The following CDK5RAP2 variants were observed in gnomAD, a reference collection of about 807,000 sequenced individuals.
CDK5RAP2 encodes CDK5 regulatory subunit-associated protein 2.
CDK5RAP2 carries 147 observed loss-of-function variants against 232.9 expected under a neutral mutation model. The ratio of observed to expected loss-of-function variants is 0.63; its 90% CI spans 0.55 to 0.72. CDK5RAP2 has a LOEUF of 0.72. Among genes scored for constraint, CDK5RAP2 ranks in the 30% least tolerant of loss-of-function variants. The probability of loss-of-function intolerance (pLI) is 0.00; values close to 1 mark genes in which losing one functional copy is unlikely to be tolerated. For synonymous variants in CDK5RAP2, 833 were observed against 833.7 expected, an observed-to-expected ratio of 1.00 and a Z score of 0.01; for missense variants, 2,195 against 2,231.5, an observed-to-expected ratio of 0.98 and a Z score of 0.33.
intron 11 of CDK5RAP2, among the ~76,000 whole-genome samples, chr9:120,519,778 G>A (rs772858770): frequency 3.9e-5 from 6 of 152,182 alleles, no homozygotes; most frequent in Non-Finnish European, 7.3e-5. Flanking sequence ...TATTCCCACT[G>A]CCATGTCCTA....
chr9:120,463,169 A>G (rs1010081348), intron 18 of CDK5RAP2, among the ~76,000 whole-genome samples: 2 of 152,156 alleles, frequency 1.3e-5, no homozygotes, highest in Non-Finnish European at 2.9e-5. Flanking sequence ...CAGGAGATCG[A>G]GACCATCCTG....
At chr9:120,509,977 A>AT (rs1034650821) in intron 12 of CDK5RAP2, among the ~76,000 whole-genome samples, 1 of 151,068 alleles carries the variant, frequency 6.6e-6, no homozygotes, top group African/African-American at 2.4e-5. Context: ...ATATATATAC[A>AT]TTTTTTTTTA....
At chr9:120,484,324 G>T (rs1337112375) in intron 14 of CDK5RAP2, among the ~76,000 whole-genome samples, 2 of 152,222 alleles carry the variant, frequency 1.3e-5, no homozygotes, top group African/African-American at 2.4e-5. Flanking sequence ...GGGTACGACT[G>T]TAAGGCTGCA....
chr9:120,443,562 T>C, intron 23 of CDK5RAP2, 58 bp downstream of exon 23: 1 of 1,589,060 alleles, frequency 6.3e-7, no homozygotes, highest in South Asian at 1.1e-5. Flanking sequence ...AGATAAAACA[T>C]CCAAATGGTG....
intron 12 of CDK5RAP2, among the ~76,000 whole-genome samples, chr9:120,501,134 C>A (rs1474043437): frequency 6.6e-6 from 1 of 152,240 alleles, no homozygotes; most frequent in African/African-American, 2.4e-5. Context: ...CCCCCCTGAC[C>A]TCGCTGCCCT....
chr9:120,530,414 T>A (rs1488051566), intron 7 of CDK5RAP2, among the ~76,000 whole-genome samples: 1 of 152,062 alleles, frequency 6.6e-6, no homozygotes, highest in Admixed American at 6.6e-5. Flanking sequence ...CCTTCAACGG[T>A]CCCCACCAAC....
intron 25 of CDK5RAP2, among the ~76,000 whole-genome samples, chr9:120,435,993 T>G (rs974999785): frequency 2.6e-5 from 4 of 152,196 alleles, no homozygotes; most frequent in Admixed American, 6.5e-5. Flanking sequence ...AAACTCATGG[T>G]AGAAGTTTGA....
chr9:120,513,581 C>G (rs1490611750), intron 12 of CDK5RAP2, among the ~76,000 whole-genome samples: 2 of 152,206 alleles, frequency 1.3e-5, no homozygotes, highest in Non-Finnish European at 2.9e-5. Flanking sequence ...ATCTATTAAC[C>G]TCTAGCTCAA....
intron 35 of CDK5RAP2, among the ~76,000 whole-genome samples, chr9:120,399,389 C>T (rs2032796067): frequency 6.6e-6 from 1 of 151,974 alleles, no homozygotes; most frequent in Non-Finnish European, 1.5e-5. Flanking sequence ...CTGGTTCATT[C>T]AAAAAATATA....
chr9:120,409,450 T>G (rs1198308499), intron 29 of CDK5RAP2, 134 bp from the exon 30 acceptor site: 2 of 720,286 alleles, frequency 2.8e-6, no homozygotes, highest in Non-Finnish European at 4.7e-6. Context: ...GCATTCCAAT[T>G]ATCTTACACA....
chr9:120,549,111 G>C (rs1267205957), intron 4 of CDK5RAP2, among the ~76,000 whole-genome samples: 1 of 150,448 alleles, frequency 6.6e-6, no homozygotes, highest in Admixed American at 6.6e-5. Context: ...AGCCAAGATT[G>C]TGCCACTGCA....
At chr9:120,499,289 C>T (rs1255629785) in intron 12 of CDK5RAP2, among the ~76,000 whole-genome samples, 3 of 152,094 alleles carry the variant, frequency 2.0e-5, no homozygotes, top group African/African-American at 7.2e-5. Flanking sequence ...GATTAGCTCT[C>T]AGTTTGTGAT....
At chr9:120,431,047 A>G (rs1162190489) in intron 25 of CDK5RAP2, among the ~76,000 whole-genome samples, 2 of 152,078 alleles carry the variant, frequency 1.3e-5, no homozygotes, top group African/African-American at 2.4e-5. Context: ...TCACTCATAG[A>G]TGGGAATTGA....
chr9:120,447,536 CA>C (rs1442189630), intron 22 of CDK5RAP2, among the ~76,000 whole-genome samples: 3 of 152,198 alleles, frequency 2.0e-5, no homozygotes. Flanking sequence ...GAGAACCCTG[CA>C]AAGTGGACCC....
chr9:120,504,937 C>T (rs1215994470), intron 12 of CDK5RAP2, among the ~76,000 whole-genome samples: 2 of 152,198 alleles, frequency 1.3e-5, no homozygotes, highest in South Asian at 2.1e-4. Flanking sequence ...CAGGCCATCA[C>T]CAATCATCCT....
chr9:120,545,244 A>G, intron 5 of CDK5RAP2, among the ~76,000 whole-genome samples: 1 of 152,212 alleles, frequency 6.6e-6, no homozygotes, highest in Non-Finnish European at 1.5e-5. Flanking sequence ...GAATTGAACT[A>G]CTGATATAAT....
At chr9:120,572,548 G>A (rs1428328671) in intron 1 of CDK5RAP2, among the ~76,000 whole-genome samples, 6 of 152,210 alleles carry the variant, frequency 3.9e-5, no homozygotes, top group Non-Finnish European at 5.9e-5. Context: ...TTTTAAGAAT[G>A]TCAAACAATG....
intron 14 of CDK5RAP2, among the ~76,000 whole-genome samples, chr9:120,479,294 A>G (rs917288772): frequency 2.6e-5 from 4 of 152,210 alleles, no homozygotes; most frequent in African/African-American, 9.6e-5. Context: ...GAATTAGAAA[A>G]ATCACCCTTC....
chr9:120,468,315 A>T (rs2037502176), intron 17 of CDK5RAP2, among the ~76,000 whole-genome samples: 1 of 152,226 alleles, frequency 6.6e-6, no homozygotes, highest in Admixed American at 6.5e-5. Context: ...AGTGCACTAA[A>T]GTCCCTGGCA....
Sources: allele counts gnomAD v4.1 joint callset (sites outside exome capture counted in the v4.1 genomes callset), GRCh38; gene constraint gnomAD v4.1.1; transcripts MANE v1.5; gene names NCBI Gene and HGNC (gene_info 2026-07-23, HGNC 2026-07-21).